The following FBXL20 variants were observed in gnomAD, a reference collection of about 807,000 sequenced individuals.
FBXL20 encodes F-box/LRR-repeat protein 20.
A neutral mutation model predicts 64.0 loss-of-function variants in FBXL20; 11 were observed. The ratio of observed to expected loss-of-function variants is 0.17; its 90% CI spans 0.11 to 0.28. FBXL20 has a LOEUF of 0.28. Among genes scored for constraint, FBXL20 ranks in the 10% least tolerant of loss-of-function variants. The probability of loss-of-function intolerance (pLI) is 1.00; values close to 1 mark genes in which losing one functional copy is unlikely to be tolerated. For synonymous variants in FBXL20, 184 were observed against 189.0 expected, an observed-to-expected ratio of 0.97 and a Z score of 0.22; for missense variants, 303 against 526.2, an observed-to-expected ratio of 0.58 and a Z score of 4.15.
intron 1 of FBXL20, among the ~76,000 whole-genome samples, chr17:39,359,343 AAAAC>A (rs2144610338): frequency 6.6e-6 from 1 of 152,190 alleles, no homozygotes; most frequent in South Asian, 2.1e-4. Context: ...TCCTGTCTCA[AAAAC>A]AAACAACAGA....
chr17:39,327,554 G>A (rs142002709), intron 2 of FBXL20, among the ~76,000 whole-genome samples: 1 of 152,016 alleles, frequency 6.6e-6, no homozygotes, highest in Non-Finnish European at 1.5e-5. Flanking sequence ...AATCTATCCA[G>A]CCACCTATAC....
upstream of FBXL20, chr17:39,401,950 G>A (rs1340451102): frequency 4.5e-6 from 2 of 439,898 alleles, no homozygotes; most frequent in Non-Finnish European, 7.5e-6. Flanking sequence ...GCGCGTGCTC[G>A]CGGACCAGCG....
At position 39,253,524 on chromosome 17, in the gene FBXL20, A is replaced by C. The variant is rs1179171132; in HGVS notation, c.*7936T>G. ...GGTAGTCACAGATACTCAGGGCTCC[A>C]AGAGCCACACCATGGTGAGAAAGGA... On this transcript the variant is annotated 3_prime_UTR_variant, in exon 15 of 15. Coordinates refer to ENST00000264658, the MANE Select transcript of FBXL20 (RefSeq NM_032875.3). 1.3e-5 allele frequency: 2 copies of C among 152,394 alleles called. No individual in the cohort carries two copies. The highest frequency in any genetic ancestry group is 2.9e-5 in the Non-Finnish European group (2 of 68,052). 9.4% of individuals were successfully genotyped at this position (152,394 alleles called of 1,614,324 possible).
At chr17:39,363,813 A>AAAAAAAAAC (rs1567896937) in intron 1 of FBXL20, among the ~76,000 whole-genome samples, 2 of 120,418 alleles carry the variant, frequency 1.7e-5, no homozygotes, top group African/African-American at 3.9e-5. Context: ...TTTATCTCAA[A>AAAAAAAAAC]AAAAAAAAAA....
intron 1 of FBXL20, among the ~76,000 whole-genome samples, chr17:39,380,338 G>C (rs530422157): frequency 6.6e-6 from 1 of 152,074 alleles, no homozygotes; most frequent in Non-Finnish European, 1.5e-5. Context: ...ACCCTGTTCC[G>C]AATTCCCACC....
rs1350723260 is a variant in FBXL20, at chr17:39,259,236, G to C, written c.*2224C>G. 6.6e-6 allele frequency: 1 copy of C among 152,078 alleles called. No homozygotes were observed. Among genetic ancestry groups the C allele is most frequent in the East Asian group, 1.9e-4 (1 of 5,194 alleles). The allele number at this position is 152,078 out of a possible 1,614,324, so 9.4% of individuals were successfully genotyped here. ...CCCAGCTACTTGGGAGGCTGAGGTG[G>C]GAGGAAGGCTTGAGCCCAGGAGTTT... is the stretch of plus-strand genomic sequence containing the variant. On this transcript the variant is annotated 3_prime_UTR_variant, in exon 15 of 15. Transcript: ENST00000264658.
chr17:39,341,759 T>C (rs1031777803), intron 2 of FBXL20, among the ~76,000 whole-genome samples: 8 of 152,200 alleles, frequency 5.3e-5, no homozygotes, highest in Non-Finnish European at 8.8e-5. Flanking sequence ...CCCTCAGCCT[T>C]GGAGAAAAAA....
At chr17:39,378,755 G>A (rs2047994297) in intron 1 of FBXL20, among the ~76,000 whole-genome samples, 1 of 151,324 alleles carries the variant, frequency 6.6e-6, no homozygotes, top group Non-Finnish European at 1.5e-5. Context: ...GATTACAGGC[G>A]CCCACCACCA....
At chr17:39,353,815 G>C (rs1172905505) in intron 1 of FBXL20, among the ~76,000 whole-genome samples, 1 of 151,948 alleles carries the variant, frequency 6.6e-6, no homozygotes, top group Non-Finnish European at 1.5e-5. Context: ...TAGAGATGGG[G>C]TTTCATCATA....
intron 1 of FBXL20, among the ~76,000 whole-genome samples, chr17:39,348,570 T>G (rs779250023): frequency 6.6e-6 from 1 of 152,012 alleles, no homozygotes; most frequent in African/African-American, 2.4e-5. Flanking sequence ...GGGATTACAT[T>G]TGTGAGCCAC....
intron 1 of FBXL20, 45 bp from the exon 2 acceptor site, chr17:39,343,286 T>TTACA (rs752715470): frequency 1.5e-6 from 2 of 1,367,768 alleles, no homozygotes; most frequent in Non-Finnish European, 2.0e-6. Flanking sequence ...TAACATTTTA[T>TTACA]TACAGAATGT....
At chr17:39,337,454 G>C (rs2047534735) in intron 2 of FBXL20, among the ~76,000 whole-genome samples, 1 of 151,808 alleles carries the variant, frequency 6.6e-6, no homozygotes, top group Non-Finnish European at 1.5e-5. Flanking sequence ...CCCATCGTCT[G>C]GGATGTGAGG....
intron 6 of FBXL20, among the ~76,000 whole-genome samples, chr17:39,292,365 T>C (rs2047047550): frequency 6.6e-6 from 1 of 150,786 alleles, no homozygotes; most frequent in Non-Finnish European, 1.5e-5. Flanking sequence ...GTAATTGTTA[T>C]TTAAAATTTC....
At chr17:39,397,519 T>G (rs1370255823) in intron 1 of FBXL20, among the ~76,000 whole-genome samples, 1 of 152,126 alleles carries the variant, frequency 6.6e-6, no homozygotes, top group Non-Finnish European at 1.5e-5. Context: ...CAGTACTACA[T>G]CCTCATAAAG....
intron 9 of FBXL20, among the ~76,000 whole-genome samples, chr17:39,279,935 C>T (rs1047700607): frequency 9.2e-5 from 14 of 152,098 alleles, no homozygotes; most frequent in Non-Finnish European, 1.8e-4. Flanking sequence ...AATCCCAGCA[C>T]TTTGGGAGGC....
chr17:39,340,474 C>T (rs1264089136), intron 2 of FBXL20, among the ~76,000 whole-genome samples: 5 of 152,222 alleles, frequency 3.3e-5, no homozygotes, highest in African/African-American at 9.6e-5. Flanking sequence ...AAGTGATCCG[C>T]CTGCCTTGGC....
intron 6 of FBXL20, among the ~76,000 whole-genome samples, chr17:39,286,151 A>G (rs1326828201): frequency 6.6e-6 from 1 of 152,190 alleles, no homozygotes; most frequent in Admixed American, 6.5e-5. Flanking sequence ...GGAAAACTTC[A>G]AATATAAACA....
At chr17:39,323,818 G>A (rs1229914367) in intron 2 of FBXL20, among the ~76,000 whole-genome samples, 1 of 151,420 alleles carries the variant, frequency 6.6e-6, no homozygotes, top group Non-Finnish European at 1.5e-5. Context: ...TGTCGCCCAG[G>A]CTGGAGTGCA....
At chr17:39,314,795 CTTTTTTTTT>C (rs59955109) in intron 2 of FBXL20, among the ~76,000 whole-genome samples, 126 of 125,960 alleles carry the variant, frequency 1.0e-3, no homozygotes, top group African/African-American at 3.5e-3. Context: ...ATATCCTTTT[CTTTTTTTTT>C]TTTTTTTTTG....
Sources: gnomAD v4.1 joint callset for allele counts (sites outside exome capture counted in the v4.1 genomes callset) on GRCh38, gnomAD v4.1.1 for gene constraint, MANE v1.5 for transcripts, NCBI Gene and HGNC (gene_info 2026-07-23, HGNC 2026-07-21) for gene names.